The following CPA6 variants were observed in gnomAD, a reference collection of about 807,000 sequenced individuals.
CPA6 encodes carboxypeptidase A6.
In CPA6, 58 loss-of-function variants were observed where a neutral mutation model predicts 63.3. That is an observed-to-expected ratio of 0.92 (90% CI 0.74 to 1.14). The LOEUF is 1.14. Ranked by LOEUF, CPA6 falls within the 50% of genes most tolerant of loss-of-function variation. The pLI, the probability that CPA6 is intolerant of heterozygous loss-of-function variation, is 0.00. For synonymous variants in CPA6, 185 were observed against 179.0 expected (o/e 1.03, Z -0.27); for missense variants, 565 against 526.6 (o/e 1.07, Z -0.71).
intron 1 of CPA6, among the ~76,000 whole-genome samples, chr8:67,681,152 G>A (rs1816583117): frequency 6.7e-6 from 1 of 148,680 alleles, no homozygotes; most frequent in Non-Finnish European, 1.5e-5. Context: ...CATGCTTTTG[G>A]TGTCATATGT....
At chr8:67,696,480 A>T (rs1816914636) in intron 1 of CPA6, among the ~76,000 whole-genome samples, 1 of 152,228 alleles carries the variant, frequency 6.6e-6, no homozygotes, top group African/African-American at 2.4e-5. Flanking sequence ...CTTATGTTTA[A>T]CATACATTTA....
chr8:67,618,139 GC>G (rs1489070134), intron 2 of CPA6, among the ~76,000 whole-genome samples: 2 of 152,168 alleles, frequency 1.3e-5, no homozygotes, highest in African/African-American at 4.8e-5. Flanking sequence ...AGATGTGTGT[GC>G]ACCAGGGCCA....
intron 6 of CPA6, among the ~76,000 whole-genome samples, chr8:67,496,871 T>C (rs1417403429): frequency 1.3e-5 from 2 of 152,012 alleles, no homozygotes. Flanking sequence ...ATACTTTCAT[T>C]ATCCAAAAAA....
chr8:67,599,605 A>C (rs1418172817), intron 2 of CPA6, among the ~76,000 whole-genome samples: 1 of 152,252 alleles, frequency 6.6e-6, no homozygotes, highest in African/African-American at 2.4e-5. Flanking sequence ...CCTGAAAAAT[A>C]ATAAAACCTA....
At chr8:67,495,800 A>T (rs1386801847) in intron 6 of CPA6, among the ~76,000 whole-genome samples, 3 of 151,768 alleles carry the variant, frequency 2.0e-5, no homozygotes, top group African/African-American at 7.3e-5. Context: ...CGATCCTTCC[A>T]CCTTGGCCTC....
intron 2 of CPA6, among the ~76,000 whole-genome samples, chr8:67,564,061 A>C (rs913079359): frequency 3.3e-5 from 5 of 152,218 alleles, no homozygotes; most frequent in Admixed American, 1.3e-4. Flanking sequence ...GGGACTTTGC[A>C]TAAATTGTTC....
intron 2 of CPA6, among the ~76,000 whole-genome samples, chr8:67,538,952 C>A (rs761859291): frequency 2.0e-5 from 3 of 152,140 alleles, no homozygotes; most frequent in Non-Finnish European, 2.9e-5. Flanking sequence ...AGCCACCACG[C>A]CCGGCCCAGT....
intron 2 of CPA6, among the ~76,000 whole-genome samples, chr8:67,601,191 C>T (rs190810650): frequency 2.3e-4 from 35 of 152,266 alleles, no homozygotes; most frequent in Admixed American, 2.1e-3. Flanking sequence ...ATGCAATGTA[C>T]ATTTAAACAT....
chr8:67,639,065 G>C (rs1815531120), intron 1 of CPA6, among the ~76,000 whole-genome samples: 1 of 151,508 alleles, frequency 6.6e-6, no homozygotes, highest in Non-Finnish European at 1.5e-5. Context: ...AAGAGCAAAA[G>C]CCAGTAGAAA....
At chr8:67,612,440 TGGG>T (rs1814832540) in intron 2 of CPA6, among the ~76,000 whole-genome samples, 1 of 152,230 alleles carries the variant, frequency 6.6e-6, no homozygotes, top group Non-Finnish European at 1.5e-5. Context: ...ATCTCTGTAC[TGGG>T]TCAATGTCTT....
At chr8:67,727,878 A>C (rs1817628560) in intron 1 of CPA6, among the ~76,000 whole-genome samples, 1 of 152,152 alleles carries the variant, frequency 6.6e-6, no homozygotes, top group Non-Finnish European at 1.5e-5. Context: ...GGAGATCGAG[A>C]CCATCCTGGC....
intron 2 of CPA6, among the ~76,000 whole-genome samples, chr8:67,593,562 G>C (rs1306745498): frequency 1.3e-5 from 2 of 152,092 alleles, no homozygotes; most frequent in Non-Finnish European, 1.5e-5. Context: ...TATGAATCTG[G>C]GTGCTCCTGT....
chr8:67,692,328 C>CAAAAA (rs55676882), intron 1 of CPA6, among the ~76,000 whole-genome samples: 2 of 89,968 alleles, frequency 2.2e-5, no homozygotes, highest in Non-Finnish European at 4.6e-5. Flanking sequence ...AATCCTGTCT[C>CAAAAA]AAAAAAAAAA....
chr8:67,592,983 T>C (rs1814177580), intron 2 of CPA6, among the ~76,000 whole-genome samples: 1 of 150,838 alleles, frequency 6.6e-6, no homozygotes. Flanking sequence ...TTTTAGGGTG[T>C]CAATTTTGGA....
chr8:67,745,915 A>G, intron 1 of CPA6, 99 bp downstream of exon 1: 1 of 727,182 alleles, frequency 1.4e-6, no homozygotes, highest in East Asian at 2.7e-5. Flanking sequence ...AGATTCACTC[A>G]GAGACCCCCA....
intron 1 of CPA6, among the ~76,000 whole-genome samples, chr8:67,676,085 G>A (rs1316195910): frequency 1.3e-5 from 2 of 152,190 alleles, no homozygotes; most frequent in African/African-American, 2.4e-5. Context: ...CAGTACTTTA[G>A]TTAGGATGTG....
chr8:67,702,737 G>A (rs988261067), intron 1 of CPA6, among the ~76,000 whole-genome samples: 5 of 152,084 alleles, frequency 3.3e-5, no homozygotes, highest in Admixed American at 1.3e-4. Context: ...CTGCGCATAC[G>A]GCCCCTCTCA....
At position 67,422,403 on chromosome 8, in the gene CPA6, C is replaced by T; in HGVS notation, c.*101G>A. 3.1e-6 allele frequency: 3 copies of T among 983,326 alleles called. No homozygotes were observed. The highest frequency in any genetic ancestry group is 5.2e-4 in the Middle Eastern group (2 of 3,854). The allele number at this position is 983,326 out of a possible 1,614,324, so 60.9% of individuals were successfully genotyped here. A position where few individuals can be genotyped will look rare whatever the true frequency, so the allele number is the denominator to read the frequency against. ...TCTTTTTAAAGTCCATAGACATGTT[C>T]ACTCTAAGCAGCTGCCCTTCTCTTT... On this transcript the variant is annotated 3_prime_UTR_variant, in exon 11 of 11. Transcript: ENST00000297770.
At chr8:67,707,600 T>C (rs1212512255) in intron 1 of CPA6, among the ~76,000 whole-genome samples, 3 of 152,194 alleles carry the variant, frequency 2.0e-5, no homozygotes, top group African/African-American at 4.8e-5. Context: ...TAGAATGATG[T>C]GCTTTCCTTT....
Sources: allele counts gnomAD v4.1 joint callset (sites outside exome capture counted in the v4.1 genomes callset), GRCh38; gene constraint gnomAD v4.1.1; transcripts MANE v1.5; gene names NCBI Gene and HGNC (gene_info 2026-07-23, HGNC 2026-07-21).